The following CCBE1 variants were observed in gnomAD, a reference collection of about 807,000 sequenced individuals.
CCBE1 encodes the protein collagen and calcium-binding EGF domain-containing protein 1.
A neutral mutation model predicts 50.0 loss-of-function variants in CCBE1; 37 were observed. The observed-to-expected ratio is 0.74, with a 90% CI of 0.57 to 0.97. CCBE1 has a LOEUF of 0.97. Ranked by LOEUF, CCBE1 falls within the 50% of genes least tolerant of loss-of-function variation. The pLI, the probability that CCBE1 is intolerant of heterozygous loss-of-function variation, is 0.00. For synonymous variants in CCBE1, 234 were observed against 203.7 expected (o/e 1.15, Z -1.27); for missense variants, 538 against 523.8 (o/e 1.03, Z -0.26).
intron 2 of CCBE1, among the ~76,000 whole-genome samples, chr18:59,530,180 C>T (rs775401621): frequency 5.9e-5 from 9 of 151,998 alleles, no homozygotes; most frequent in Non-Finnish European, 1.3e-4. Flanking sequence ...TGACTGAGGC[C>T]CACTGGCAGA....
At chr18:59,661,266 A>G (rs1043986999) in intron 2 of CCBE1, among the ~76,000 whole-genome samples, 1 of 152,246 alleles carries the variant, frequency 6.6e-6, no homozygotes, top group Non-Finnish European at 1.5e-5. Flanking sequence ...ATTTATTTAC[A>G]ATAACTCACT....
At chr18:59,636,550 A>G (rs940784225) in intron 2 of CCBE1, among the ~76,000 whole-genome samples, 10 of 152,228 alleles carry the variant, frequency 6.6e-5, no homozygotes, top group African/African-American at 9.6e-5. Flanking sequence ...AAAGTCACAA[A>G]CACAAAGGAA....
chr18:59,468,837 G>GTA (rs1911880766), intron 4 of CCBE1, among the ~76,000 whole-genome samples: 2 of 124,040 alleles, frequency 1.6e-5, no homozygotes, highest in Admixed American at 7.9e-5. Context: ...AAAAGGCCAG[G>GTA]TTTTTTTTTT....
intron 2 of CCBE1, among the ~76,000 whole-genome samples, chr18:59,494,815 G>T (rs1471022570): frequency 6.6e-6 from 1 of 152,192 alleles, no homozygotes; most frequent in Non-Finnish European, 1.5e-5. Context: ...TGGAGCTCTA[G>T]CGACGACCTG....
rs775512253 is a variant in CCBE1 at position 59,447,995 on chromosome 18, G to A, written c.763C>T (p.Gln255Ter). The change falls in exon 7 of 11, where the codon CAG (glutamine) becomes TAG (stop). Residue 255 changes from glutamine to a stop codon, truncating the protein, a stop_gained. Transcript: ENST00000439986. LOFTEE classifies it high-confidence loss of function. ...LPGPPGLPGGQGPPGSPGPKG... is the reference protein window; with the variant it reads ...LPGPPGLPGG ...CTTCCACACTCACCGGGAGGGCCCT[G>A]GCCCCCAGGCAGGCCAGGAGGTCCT... The A allele has an allele frequency of 6.2e-7, 1 of 1,614,188 alleles. No individual in the cohort carries two copies. The highest frequency in any genetic ancestry group is 1.1e-5 in the South Asian group (1 of 91,086).
intron 2 of CCBE1, among the ~76,000 whole-genome samples, chr18:59,629,011 AC>A (rs1463524640): frequency 2.6e-5 from 4 of 151,962 alleles, no homozygotes; most frequent in Admixed American, 2.6e-4. Context: ...TCCCATTTAT[AC>A]CCTTTTCCCC....
At chr18:59,672,323 T>C (rs563021272) in intron 2 of CCBE1, among the ~76,000 whole-genome samples, 1 of 152,304 alleles carries the variant, frequency 6.6e-6, no homozygotes, top group South Asian at 2.1e-4. Context: ...AAGCTGCCGC[T>C]GTCCCAAATC....
At chr18:59,572,751 A>C (rs552583593) in intron 2 of CCBE1, among the ~76,000 whole-genome samples, 18 of 152,298 alleles carry the variant, frequency 1.2e-4, no homozygotes, top group Admixed American at 9.2e-4. Flanking sequence ...AACCATTTTC[A>C]CAAGAATAAA....
chr18:59,569,215 T>C (rs1340272974), intron 2 of CCBE1, among the ~76,000 whole-genome samples: 3 of 152,254 alleles, frequency 2.0e-5, no homozygotes, highest in Non-Finnish European at 4.4e-5. Context: ...CTGGGTTGGC[T>C]GTGGTTCATT....
chr18:59,584,376 G>A (rs568685160), intron 2 of CCBE1, among the ~76,000 whole-genome samples: 14 of 150,676 alleles, frequency 9.3e-5, no homozygotes, highest in Admixed American at 3.3e-4. Flanking sequence ...GGGAGGGATA[G>A]CATTAGGAGA....
intron 5 of CCBE1, among the ~76,000 whole-genome samples, chr18:59,461,835 C>T (rs986216077): frequency 1.4e-4 from 20 of 147,834 alleles, no homozygotes; most frequent in Admixed American, 6.2e-4. Context: ...TGGGTTCAAG[C>T]GATTCTCCTG....
intron 2 of CCBE1, among the ~76,000 whole-genome samples, chr18:59,504,463 T>C (rs1913776105): frequency 6.6e-6 from 1 of 152,086 alleles, no homozygotes; most frequent in Admixed American, 6.5e-5. Flanking sequence ...GTGTCCTTAT[T>C]TGTTTAAATT....
At chr18:59,618,436 GT>G (rs1458037196) in intron 2 of CCBE1, among the ~76,000 whole-genome samples, 3,938 of 141,530 alleles carry the variant, frequency 0.028, 144 homozygotes, top group African/African-American at 0.093. Flanking sequence ...CCTTAGAAAA[GT>G]TTTTTTTTTT....
rs1267391021 is a variant in CCBE1, at chr18:59,551,040, G to GA, written c.213-70803dup. 3.6e-5 allele frequency among the ~76,000 whole-genome samples: 4 copies of GA among 111,066 alleles called. No individual in the cohort carries two copies. In the East Asian group the frequency reaches 6.9e-4, roughly 19 times the overall value. The allele number at this position is 111,066 out of a possible 152,430, so 72.9% of individuals were successfully genotyped here. The stretch of plus-strand genomic sequence containing the variant: ...AAAAAAAAAAAAAAAGAAAAGAAAA[G>GA]AAAAGAAAAAAAAGAAAAAAGAAAA... On this transcript the variant is annotated intron_variant, in intron 2 of 10. Coordinates refer to ENST00000439986, the MANE Select transcript of CCBE1 (RefSeq NM_133459.4).
At chr18:59,514,142 T>C in intron 2 of CCBE1, among the ~76,000 whole-genome samples, 1 of 152,208 alleles carries the variant, frequency 6.6e-6, no homozygotes, top group East Asian at 1.9e-4. Flanking sequence ...GAGGGACCAA[T>C]TCTGCATCTT....
chr18:59,600,672 C>T (rs1001516222), intron 2 of CCBE1, among the ~76,000 whole-genome samples: 59 of 152,146 alleles, frequency 3.9e-4, no homozygotes, highest in African/African-American at 1.3e-3. Flanking sequence ...CTCTCAAAGA[C>T]AGTGGCTTCA....
rs1377163027 is a variant in CCBE1 at position 59,434,697 on chromosome 18, A to C, written c.*1211T>G. The C allele has an allele frequency of 1.3e-5, 2 of 152,260 alleles. No homozygotes were observed. The highest frequency in any genetic ancestry group is 2.4e-5 in the African/African-American group (1 of 41,468). 9.4% of individuals were successfully genotyped at this position (152,260 alleles called of 1,614,324 possible). A position where few individuals can be genotyped will look rare whatever the true frequency, so the allele number is the denominator to read the frequency against. Reference sequence around the variant, plus strand: ...ACTTGGACTAAATTAAAGAAAATTAAGAAAAAATGAGAATAGGAAGGAAGT... The same window carrying C: ...ACTTGGACTAAATTAAAGAAAATTACGAAAAAATGAGAATAGGAAGGAAGT... On this transcript the variant is annotated 3_prime_UTR_variant, in exon 11 of 11. Transcript: ENST00000439986.
chr18:59,586,707 A>G (rs556874312), intron 2 of CCBE1, among the ~76,000 whole-genome samples: 24 of 152,302 alleles, frequency 1.6e-4, no homozygotes, highest in Middle Eastern at 3.4e-3. Context: ...TTTTCAACAA[A>G]AGTTTCAGAC....
intron 3 of CCBE1, among the ~76,000 whole-genome samples, chr18:59,477,805 A>G (rs1912384637): frequency 1.3e-5 from 2 of 152,172 alleles, no homozygotes; most frequent in Admixed American, 6.5e-5. Context: ...TGAACATACA[A>G]CTTTGTTATT....
Sources: allele counts gnomAD v4.1 joint callset (sites outside exome capture counted in the v4.1 genomes callset), GRCh38; gene constraint gnomAD v4.1.1; transcripts MANE v1.5; gene names NCBI Gene and HGNC (gene_info 2026-07-23, HGNC 2026-07-21).